Variants in CA10 observed in about 807,000 individuals in gnomAD.
CA10 encodes carbonic anhydrase 10 (inactive).
CA10 carries 14 observed loss-of-function variants against 44.2 expected under a neutral mutation model. That is an observed-to-expected ratio of 0.32 (90% CI 0.21 to 0.50). The LOEUF is 0.50. CA10 is among the 20% of genes least tolerant of loss of function. CA10 has a pLI of 0.99. For synonymous variants in CA10, 159 were observed against 141.6 expected (o/e 1.12, Z -0.87); for missense variants, 350 against 409.7 (o/e 0.85, Z 1.26).
At chr17:52,155,529 T>C (rs937891074) in intron 1 of CA10, among the ~76,000 whole-genome samples, 5 of 152,202 alleles carry the variant, frequency 3.3e-5, no homozygotes, top group African/African-American at 1.2e-4. Flanking sequence ...TTACTAATAA[T>C]AATTCTCACA....
chr17:51,680,249 GT>G (rs1038772783), intron 4 of CA10, among the ~76,000 whole-genome samples: 1 of 152,184 alleles, frequency 6.6e-6, no homozygotes, highest in African/African-American at 2.4e-5. Context: ...AGTGGCAGCC[GT>G]TGGGGAGGAA....
At chr17:51,982,714 C>A (rs1395430810) in intron 2 of CA10, among the ~76,000 whole-genome samples, 2 of 151,878 alleles carry the variant, frequency 1.3e-5, no homozygotes, top group Non-Finnish European at 2.9e-5. Flanking sequence ...AATACCACAA[C>A]CTTTTCCCAA....
intron 1 of CA10, among the ~76,000 whole-genome samples, chr17:52,153,799 T>C (rs1188490813): frequency 1.3e-5 from 2 of 152,214 alleles, no homozygotes; most frequent in Non-Finnish European, 1.5e-5. Flanking sequence ...AATGACATTA[T>C]TGCATGCTTA....
intron 3 of CA10, among the ~76,000 whole-genome samples, chr17:51,885,398 T>G (rs531086969): frequency 6.6e-6 from 1 of 152,198 alleles, no homozygotes; most frequent in Non-Finnish European, 1.5e-5. Flanking sequence ...CAGTATCTCC[T>G]GTTTCTACTA....
chr17:51,929,780 A>G (rs773253365), intron 3 of CA10, among the ~76,000 whole-genome samples: 1 of 152,220 alleles, frequency 6.6e-6, no homozygotes, highest in Non-Finnish European at 1.5e-5. Context: ...AAAACTATAA[A>G]TGGAACAATA....
Position 51,712,251 on chromosome 17 carries a change from C to T in CA10, c.465+35382G>A, listed in dbSNP as rs139903347. 2.3e-3 allele frequency among the ~76,000 whole-genome samples: 349 copies of T among 152,222 alleles called. 5 individuals carry two copies. The highest frequency in any genetic ancestry group is 0.017 in the East Asian group (86 of 5,172). On this transcript the variant is annotated intron_variant, in intron 4 of 8. Coordinates refer to ENST00000451037, the MANE Select transcript of CA10 (RefSeq NM_020178.5). The stretch of plus-strand genomic sequence containing the variant: ...TCACAAACACCCACTGAAGATGAAG[C>T]AATAACTTGCTACTTGAGGTTCAGT...
At chr17:51,885,727 G>C (rs1980569365) in intron 3 of CA10, among the ~76,000 whole-genome samples, 1 of 152,306 alleles carries the variant, frequency 6.6e-6, no homozygotes, top group Middle Eastern at 3.4e-3. Flanking sequence ...CTTTCAGACA[G>C]GGGCCAATGC....
rs71381363 is a variant in CA10 at position 52,041,210 on chromosome 17, A to G, written c.136+31109T>C. 8.3e-3 allele frequency among the ~76,000 whole-genome samples: 1,268 copies of G among 152,234 alleles called. 9 individuals are homozygous for G. Among genetic ancestry groups the G allele is most frequent in the Non-Finnish European group, 0.014 (945 of 68,026 alleles). ...AGCAACCCAAAAAGTAAAATTCACA[A>G]TATCTACCATCAATTCAAAATGGCA... On this transcript the variant is annotated intron_variant, in intron 2 of 8. Transcript: ENST00000451037.
chr17:52,001,128 C>T (rs1396358295), intron 2 of CA10, among the ~76,000 whole-genome samples: 1 of 151,968 alleles, frequency 6.6e-6, no homozygotes, highest in Non-Finnish European at 1.5e-5. Flanking sequence ...GGGATTAGTT[C>T]ACTATGGTCC....
intron 3 of CA10, among the ~76,000 whole-genome samples, chr17:51,888,611 G>A (rs1230640824): frequency 6.6e-6 from 1 of 152,132 alleles, no homozygotes. Flanking sequence ...GCTTAGGAAT[G>A]AAATAAATAA....
chr17:51,827,302 G>A (rs1443113143), intron 3 of CA10, among the ~76,000 whole-genome samples: 2 of 151,544 alleles, frequency 1.3e-5, no homozygotes, highest in African/African-American at 4.9e-5. Context: ...TTGCTTTTGT[G>A]CATACTATGC....
rs1255435973 is a variant in CA10 at position 51,931,064 on chromosome 17, C to T, written c.205G>A (p.Val69Ile). The change falls in exon 3 of 9, where the codon GTC becomes ATC. Residue 69 changes from valine (V) to isoleucine (I), a missense_variant. By Grantham distance (29) the Val-to-Ile change is conservative. Coordinates refer to ENST00000451037, the MANE Select transcript of CA10 (RefSeq NM_020178.5). ...LCSVGKRQSPVNIETSHMIFD... is the reference protein window; with the variant it reads ...LCSVGKRQSPINIETSHMIFD... ...ATCATGTGACTGGTCTCTATGTTGACTGGCGACTGCCGTTTCCCCACAGAG... is the reference window on the plus strand; with the variant it reads ...ATCATGTGACTGGTCTCTATGTTGATTGGCGACTGCCGTTTCCCCACAGAG... 2 of 1,613,692 alleles carry T rather than the reference C, an allele frequency of 1.2e-6. No homozygotes were observed. The highest frequency in any genetic ancestry group is 1.7e-4 in the Middle Eastern group (1 of 6,052).
chr17:51,901,286 G>C (rs904507809), intron 3 of CA10, among the ~76,000 whole-genome samples: 3 of 152,100 alleles, frequency 2.0e-5, no homozygotes, highest in Non-Finnish European at 4.4e-5. Flanking sequence ...GGGGGCAAAG[G>C]CTCAGCTTAG....
chr17:51,839,974 C>T (rs1310580319), intron 3 of CA10, among the ~76,000 whole-genome samples: 1 of 152,164 alleles, frequency 6.6e-6, no homozygotes, highest in Non-Finnish European at 1.5e-5. Flanking sequence ...AGTAAATACT[C>T]AACTCCTTTT....
chr17:52,107,820 G>A (rs1665938417), intron 1 of CA10, among the ~76,000 whole-genome samples: 1 of 152,136 alleles, frequency 6.6e-6, no homozygotes, highest in African/African-American at 2.4e-5. Context: ...CATTTGCTCA[G>A]GTAGGGTGAG....
chr17:52,032,890 G>A (rs1986509570), intron 2 of CA10, among the ~76,000 whole-genome samples: 1 of 152,122 alleles, frequency 6.6e-6, no homozygotes, highest in Non-Finnish European at 1.5e-5. Flanking sequence ...TGAAAGGGGA[G>A]CATCAAAAAT....
intron 2 of CA10, among the ~76,000 whole-genome samples, chr17:52,028,255 T>A (rs1333626206): frequency 2.0e-5 from 3 of 152,134 alleles, no homozygotes; most frequent in Non-Finnish European, 4.4e-5. Context: ...CAAGGAGACA[T>A]AGATATGAAA....
At chr17:51,688,497 T>C (rs1319853695) in intron 4 of CA10, among the ~76,000 whole-genome samples, 1 of 152,232 alleles carries the variant, frequency 6.6e-6, no homozygotes, top group Non-Finnish European at 1.5e-5. Context: ...CTTTCTTGTC[T>C]ATAACATAGA....
intron 1 of CA10, among the ~76,000 whole-genome samples, chr17:52,100,692 C>G (rs1024325222): frequency 6.6e-6 from 1 of 152,122 alleles, no homozygotes; most frequent in African/African-American, 2.4e-5. Context: ...CAGCCTTCTC[C>G]CCATATCTGG....
Sources: allele counts gnomAD v4.1 joint callset (sites outside exome capture counted in the v4.1 genomes callset), GRCh38; gene constraint gnomAD v4.1.1; transcripts MANE v1.5; gene names NCBI Gene and HGNC (gene_info 2026-07-23, HGNC 2026-07-21).